PCBP3: variants seen among roughly 807,000 people sequenced by gnomAD.
PCBP3 encodes poly(rC)-binding protein 3.
PCBP3 carries 25 observed loss-of-function variants against 52.7 expected under a neutral mutation model. The ratio of observed to expected loss-of-function variants is 0.47; its 90% CI spans 0.35 to 0.66. PCBP3 has a LOEUF of 0.66. Ranked by LOEUF, PCBP3 falls within the 30% of genes least tolerant of loss-of-function variation. The pLI, the probability that PCBP3 is intolerant of heterozygous loss-of-function variation, is 0.01. For missense variants in PCBP3, 391 were observed against 490.3 expected, an observed-to-expected ratio of 0.80 and a Z score of 1.91; for synonymous variants, 162 against 183.0, an observed-to-expected ratio of 0.89 and a Z score of 0.93.
At chr21:45,871,046 GC>G (rs922925312) in intron 5 of PCBP3, 6 of 179,524 alleles carry the variant, frequency 3.3e-5, no homozygotes, top group African/African-American at 1.4e-4. Flanking sequence ...GCAGCCCAGT[GC>G]CCGGGAGAGA....
chr21:45,703,161 C>T (rs1447276122), intron 2 of PCBP3, among the ~76,000 whole-genome samples: 3 of 152,194 alleles, frequency 2.0e-5, no homozygotes, highest in East Asian at 1.9e-4. Flanking sequence ...TAAAGGCATC[C>T]GTGAGGGTTG....
chr21:45,751,948 C>T (rs1414342282), intron 3 of PCBP3, among the ~76,000 whole-genome samples: 1 of 152,076 alleles, frequency 6.6e-6, no homozygotes, highest in Non-Finnish European at 1.5e-5. Context: ...GTATTTTGTA[C>T]ATTTTTCTAT....
In PCBP3 at chr21:45,837,313, C is replaced by A. The variant is rs1231894786; in HGVS notation, c.-125-12648C>A. Among the ~76,000 whole-genome samples, 2 of 152,198 alleles carry A rather than the reference C, an allele frequency of 1.3e-5. No homozygotes were observed. The highest frequency in any genetic ancestry group is 2.9e-5 in the Non-Finnish European group (2 of 68,034). On this transcript the variant is annotated intron_variant, in intron 4 of 17. Coordinates refer to ENST00000681687, the MANE Select transcript of PCBP3 (RefSeq NM_001384156.1). The surrounding 1 kb of genome is among the most constrained non-coding windows in gnomAD (Gnocchi z 4.1). Reference sequence around the variant, plus strand: ...CTCCCGCCAGGGAGGGGATCGTGACCCTCCCTTTAATCTGGGCAGGCATGT... The same window carrying A: ...CTCCCGCCAGGGAGGGGATCGTGACACTCCCTTTAATCTGGGCAGGCATGT...
rs566334245 is a variant in PCBP3 at position 45,797,348 on chromosome 21, G to A, written c.-126+41896G>A. The stretch of plus-strand genomic sequence containing the variant: ...CATAGAGAGAGTGAATGCATGGATG[G>A]ACAAGTGCATGGATCCACAGAGAGT... On this transcript the variant is annotated intron_variant, in intron 4 of 17. Coordinates refer to ENST00000681687, the MANE Select transcript of PCBP3 (RefSeq NM_001384156.1). 1.1e-4 allele frequency among the ~76,000 whole-genome samples: 16 copies of A among 152,068 alleles called. No homozygotes were observed. The East Asian group carries it at 3.1e-3, about 29-fold the overall frequency.
At chr21:45,795,044 A>T (rs1005101624) in intron 4 of PCBP3, among the ~76,000 whole-genome samples, 1 of 152,234 alleles carries the variant, frequency 6.6e-6, no homozygotes, top group Non-Finnish European at 1.5e-5. Context: ...GATGAAAGGC[A>T]TTAAATGGGA....
chr21:45,880,261 A>T lies in PCBP3; in HGVS notation c.11-15947A>T, dbSNP rs1259324961. Reference sequence around the variant, plus strand: ...CCCAGTTGCCCTCCTGGAAAGCTCTACCCTGCTGGCCCTGGGCCTCGGAGG... The same window carrying T: ...CCCAGTTGCCCTCCTGGAAAGCTCTTCCCTGCTGGCCCTGGGCCTCGGAGG... On this transcript the variant is annotated intron_variant, in intron 5 of 17. Coordinates refer to ENST00000681687, the MANE Select transcript of PCBP3 (RefSeq NM_001384156.1). The surrounding 1 kb of genome is among the most constrained non-coding windows in gnomAD (Gnocchi z 5.4). Among the ~76,000 whole-genome samples the T allele has an allele frequency of 2.6e-5, 4 of 152,118 alleles. No homozygotes were observed. Among genetic ancestry groups the T allele is most frequent in the Non-Finnish European group, 4.4e-5 (3 of 68,028 alleles).
chr21:45,935,605 AC>A lies in PCBP3; in HGVS notation c.909+301del, dbSNP rs550810677. On this transcript the variant is annotated intron_variant, in intron 16 of 17. Transcript: ENST00000681687. ...TGAGAACCTATGTTGCTGTGGAGGC[AC>A]TGCCCTGGTGCGGGCCAAACCTTGA... The A allele has an allele frequency of 1.9e-3, 936 of 502,772 alleles. 8 individuals are homozygous for A. The highest frequency in any genetic ancestry group is 0.016 in the African/African-American group (859 of 52,292). The allele number at this position is 502,772 out of a possible 1,614,324, so 31.1% of individuals were successfully genotyped here. A position where few individuals can be genotyped will look rare whatever the true frequency, so the allele number is the denominator to read the frequency against.
At chr21:45,906,104 G>A (rs186202577) in intron 9 of PCBP3, among the ~76,000 whole-genome samples, 18 of 152,318 alleles carry the variant, frequency 1.2e-4, no homozygotes, top group South Asian at 1.0e-3. Flanking sequence ...CCCCCAGGGC[G>A]TGACTGTCCA....
At chr21:45,849,512 G>A (rs1329226381) in intron 4 of PCBP3, among the ~76,000 whole-genome samples, 1 of 151,994 alleles carries the variant, frequency 6.6e-6, no homozygotes, top group Non-Finnish European at 1.5e-5. Context: ...AACCTCAAAT[G>A]TGCCTTTTTT....
intron 5 of PCBP3, among the ~76,000 whole-genome samples, chr21:45,866,362 T>C (rs1213704997): frequency 6.6e-6 from 1 of 152,186 alleles, no homozygotes; most frequent in Non-Finnish European, 1.5e-5. Flanking sequence ...AGGGTTCTTA[T>C]CGCAAGGAAA....
chr21:45,667,299 TGG>T (rs1047710670), intron 1 of PCBP3, among the ~76,000 whole-genome samples: 1 of 151,934 alleles, frequency 6.6e-6, no homozygotes, highest in African/African-American at 2.4e-5. Flanking sequence ...TGAGCCACCA[TGG>T]TTGGCCATCT....
chr21:45,764,850 A>G (rs2089139447), intron 4 of PCBP3, among the ~76,000 whole-genome samples: 1 of 152,234 alleles, frequency 6.6e-6, no homozygotes, highest in Non-Finnish European at 1.5e-5. Flanking sequence ...GTGGAGACAG[A>G]TGTGCGCTTC....
chr21:45,914,498 G>A (rs1435654402), intron 12 of PCBP3: 4 of 235,302 alleles, frequency 1.7e-5, no homozygotes, highest in East Asian at 9.3e-5. Context: ...TGCATGGCCC[G>A]ACGACCGGGC....
rs192904038 is a variant in PCBP3, at chr21:45,744,882, A to G, written c.-162+9453A>G. ...CTTGGTAGTCCTGTCTAGGAGGACT[A>G]TTCTTTTGTTGTTAAGTTTCTACTT... On this transcript the variant is annotated intron_variant, in intron 3 of 17. Coordinates refer to ENST00000681687, the MANE Select transcript of PCBP3 (RefSeq NM_001384156.1). Among the ~76,000 whole-genome samples, 205 of 152,268 alleles carry G rather than the reference A, an allele frequency of 1.3e-3. 2 individuals carry two copies. Among genetic ancestry groups the G allele is most frequent in the African/African-American group, 4.4e-3 (184 of 41,550 alleles).
At chr21:45,682,130 CT>C (rs2081891311) in intron 2 of PCBP3, among the ~76,000 whole-genome samples, 1 of 152,158 alleles carries the variant, frequency 6.6e-6, no homozygotes, top group African/African-American at 2.4e-5. Context: ...TTAAAGTTTT[CT>C]GTCTTGCTAG....
At position 45,721,347 on chromosome 21, in the gene PCBP3, A is replaced by T. The variant is rs533418693; in HGVS notation, c.-199-14045A>T. ...AGAATCGCTTGAACCCAGGAGGTGG[A>T]GGTTACAGTGAGCCAAGATCGCGCC... On this transcript the variant is annotated intron_variant, in intron 2 of 17. Coordinates refer to ENST00000681687, the MANE Select transcript of PCBP3 (RefSeq NM_001384156.1). Among the ~76,000 whole-genome samples the T allele has an allele frequency of 4.3e-5, 6 of 138,928 alleles. No homozygotes were observed. In the South Asian group the frequency reaches 1.5e-3, roughly 35 times the overall value. The allele number at this position is 138,928 out of a possible 152,430, so 91.1% of individuals were successfully genotyped here.
intron 2 of PCBP3, chr21:45,673,840 G>C (rs1413682213): frequency 1.3e-5 from 2 of 152,138 alleles, no homozygotes; most frequent in Non-Finnish European, 2.9e-5. Flanking sequence ...AGAGAGGAGA[G>C]GTCCAGTGAG....
At chr21:45,797,557 A>G (rs372295579) in intron 4 of PCBP3, among the ~76,000 whole-genome samples, 2,078 of 151,322 alleles carry the variant, frequency 0.014, 3 homozygotes, top group African/African-American at 0.049. Context: ...GGACAGATGC[A>G]TGGATCCATA....
chr21:45,790,882 G>A (rs532972727), intron 4 of PCBP3, among the ~76,000 whole-genome samples: 1 of 152,316 alleles, frequency 6.6e-6, no homozygotes, highest in East Asian at 1.9e-4. Context: ...CAGCAAGGTG[G>A]AGTTTTGAAG....
Sources: gnomAD v4.1 joint callset for allele counts (sites outside exome capture counted in the v4.1 genomes callset) on GRCh38, gnomAD v4.1.1 for gene constraint, Gnocchi (gnomAD v3.1) non-coding constraint, MANE v1.5 for transcripts, NCBI Gene and HGNC (gene_info 2026-07-23, HGNC 2026-07-21) for gene names.